PDGFD: variants seen among roughly 807,000 people sequenced by gnomAD.
The protein encoded by PDGFD is platelet derived growth factor D.
In PDGFD, 30 loss-of-function variants were observed where a neutral mutation model predicts 44.7. That is an observed-to-expected ratio of 0.67 (90% confidence interval 0.50 to 0.91). PDGFD has a LOEUF of 0.91. PDGFD is among the 40% of genes least tolerant of loss of function. The pLI is 0.00. For missense variants in PDGFD, 445 were observed against 457.8 expected, an observed-to-expected ratio of 0.97 and a Z score of 0.25; for synonymous variants, 173 against 168.4, an observed-to-expected ratio of 1.03 and a Z score of -0.21.
In PDGFD at chr11:104,124,880, G is replaced by T. The variant is rs149537197; in HGVS notation, c.124+38924C>A. 3.1e-3 allele frequency among the ~76,000 whole-genome samples: 468 copies of T among 151,996 alleles called. 1 individual carries two copies. Among genetic ancestry groups the T allele is most frequent in the Non-Finnish European group, 4.9e-3 (332 of 67,940 alleles). ...AATAACTTTTGTGACTATTCAAGAA[G>T]AATATAAAAAAAATGATCATTTAGC... On this transcript the variant is annotated intron_variant, in intron 1 of 6. Coordinates refer to ENST00000393158, the MANE Select transcript of PDGFD (RefSeq NM_025208.5).
In PDGFD at chr11:103,973,377, G is replaced by A. The variant is rs549857926; in HGVS notation, c.510+22688C>T. 9.9e-4 allele frequency among the ~76,000 whole-genome samples: 150 copies of A among 150,780 alleles called. 4 individuals carry two copies. The South Asian group carries it at 0.022, about 22-fold the overall frequency. ...TTAGCCGGGATGGTCTCGATCTCCC[G>A]ACCTCAAGATCTGCCCGTCTTGGCC... On this transcript the variant is annotated intron_variant, in intron 3 of 6. Transcript: ENST00000393158.
intron 1 of PDGFD, among the ~76,000 whole-genome samples, chr11:104,072,556 C>T (rs1860896617): frequency 1.3e-5 from 2 of 151,788 alleles, no homozygotes; most frequent in Non-Finnish European, 3.0e-5. Flanking sequence ...TCTTATGCTT[C>T]CAAATCAATT....
intron 3 of PDGFD, among the ~76,000 whole-genome samples, chr11:103,956,594 G>A (rs1383095083): frequency 4.0e-5 from 6 of 151,736 alleles, no homozygotes; most frequent in Non-Finnish European, 8.8e-5. Context: ...GGATGGCTGG[G>A]TCAAATGGTA....
intron 1 of PDGFD, among the ~76,000 whole-genome samples, chr11:104,111,632 A>G (rs549011098): frequency 6.6e-6 from 1 of 152,278 alleles, no homozygotes; most frequent in African/African-American, 2.4e-5. Flanking sequence ...CTTAGGCAAT[A>G]TTTCATTAAC....
intron 6 of PDGFD, among the ~76,000 whole-genome samples, chr11:103,918,443 C>G (rs986422799): frequency 6.6e-6 from 1 of 152,166 alleles, no homozygotes; most frequent in Non-Finnish European, 1.5e-5. Context: ...TTAAAGAAGA[C>G]TGTTATCAAG....
At chr11:103,952,996 T>C (rs1328018117) in intron 3 of PDGFD, among the ~76,000 whole-genome samples, 1 of 152,160 alleles carries the variant, frequency 6.6e-6, no homozygotes. Flanking sequence ...ACTCGAAAGT[T>C]AGGGAGATGT....
chr11:103,916,303 A>C (rs1408743116), intron 6 of PDGFD, among the ~76,000 whole-genome samples: 1 of 145,974 alleles, frequency 6.9e-6, no homozygotes, highest in African/African-American at 2.6e-5. Context: ...TTCTCAAAAG[A>C]AGACATTTAT....
At chr11:104,040,251 T>C (rs1860325080) in intron 1 of PDGFD, among the ~76,000 whole-genome samples, 1 of 152,072 alleles carries the variant, frequency 6.6e-6, no homozygotes, top group Middle Eastern at 3.2e-3. Flanking sequence ...CTCCTAAAAA[T>C]TTCACGTTTC....
Position 104,150,297 on chromosome 11 carries a change from T to C in PDGFD, c.124+13507A>G, listed in dbSNP as rs1165674991. ...TAAGATTTCAAGCCAAAAATCTCAA[T>C]CTTTCGGACACGGAATTAGGGCAGA... On this transcript the variant is annotated intron_variant, in intron 1 of 6. Transcript: ENST00000393158. 2.6e-5 allele frequency among the ~76,000 whole-genome samples: 4 copies of C among 152,120 alleles called. No homozygotes were observed. The East Asian group carries it at 7.7e-4, about 29-fold the overall frequency.
chr11:104,123,743 T>C (rs1355690161), intron 1 of PDGFD, among the ~76,000 whole-genome samples: 2 of 152,118 alleles, frequency 1.3e-5, no homozygotes, highest in Non-Finnish European at 2.9e-5. Flanking sequence ...GTTCTGGACA[T>C]ACCTGTATTC....
intron 1 of PDGFD, among the ~76,000 whole-genome samples, chr11:104,090,154 A>T (rs1861191187): frequency 1.3e-5 from 2 of 152,118 alleles, no homozygotes; most frequent in South Asian, 4.1e-4. Flanking sequence ...TTTTTCTCAA[A>T]ACAGTTTTCT....
chr11:104,009,959 G>C (rs1859758750), intron 1 of PDGFD, among the ~76,000 whole-genome samples: 1 of 152,154 alleles, frequency 6.6e-6, no homozygotes, highest in Admixed American at 6.6e-5. Context: ...CATGTTCCTA[G>C]TGAGAATTAG....
intron 1 of PDGFD, among the ~76,000 whole-genome samples, chr11:104,111,330 G>A (rs775327310): frequency 1.7e-4 from 25 of 146,704 alleles, no homozygotes; most frequent in Non-Finnish European, 2.5e-4. Context: ...GTGTGATCAC[G>A]GCTCACTGCA....
intron 3 of PDGFD, among the ~76,000 whole-genome samples, chr11:103,964,454 C>T (rs1025883800): frequency 1.3e-5 from 2 of 152,166 alleles, no homozygotes; most frequent in Non-Finnish European, 2.9e-5. Flanking sequence ...GCTTCTAACT[C>T]ATGAGAGAGC....
chr11:104,102,712 A>C (rs1176834751), intron 1 of PDGFD, among the ~76,000 whole-genome samples: 1 of 152,226 alleles, frequency 6.6e-6, no homozygotes, highest in East Asian at 1.9e-4. Context: ...GATTAAGAAA[A>C]TGTGGCACAT....
intron 2 of PDGFD, among the ~76,000 whole-genome samples, chr11:103,998,720 C>CA (rs1156399431): frequency 6.6e-6 from 1 of 152,188 alleles, no homozygotes; most frequent in Non-Finnish European, 1.5e-5. Flanking sequence ...CTGCAACTGA[C>CA]ATAGAACATG....
chr11:103,958,554 C>G (rs1162940030), intron 3 of PDGFD, among the ~76,000 whole-genome samples: 1 of 152,198 alleles, frequency 6.6e-6, no homozygotes, highest in African/African-American at 2.4e-5. Flanking sequence ...TGAAGAAATA[C>G]TGACCTGATT....
chr11:103,985,200 A>AATTT (rs1859344924), intron 3 of PDGFD, among the ~76,000 whole-genome samples: 1 of 91,868 alleles, frequency 1.1e-5, no homozygotes, highest in Non-Finnish European at 2.3e-5. Context: ...AATATATATT[A>AATTT]ATACACACAC....
chr11:104,099,866 T>G (rs1357534855), intron 1 of PDGFD, among the ~76,000 whole-genome samples: 5 of 151,994 alleles, frequency 3.3e-5, no homozygotes, highest in Non-Finnish European at 7.4e-5. Flanking sequence ...TTCATGCATG[T>G]TACGTCTAAG....
Sources: allele counts gnomAD v4.1 joint callset (sites outside exome capture counted in the v4.1 genomes callset), GRCh38; gene constraint gnomAD v4.1.1; transcripts MANE v1.5; gene names NCBI Gene and HGNC (gene_info 2026-07-23, HGNC 2026-07-21).